SEPTIN9: variants seen among roughly 807,000 people sequenced by gnomAD.
The protein encoded by SEPTIN9 is septin-9.
A neutral mutation model predicts 56.6 loss-of-function variants in SEPTIN9; 13 were observed. The observed-to-expected ratio is 0.23, with a 90% CI of 0.15 to 0.37. The LOEUF (loss-of-function observed/expected upper bound fraction) is 0.37, where lower values mean the gene tolerates loss of function less well. Ranked by LOEUF, SEPTIN9 falls within the 10% of genes least tolerant of loss-of-function variation. The pLI is 1.00. For missense variants in SEPTIN9, 650 were observed against 823.1 expected (o/e 0.79, Z 2.57); for synonymous variants, 332 against 334.1 (o/e 0.99, Z 0.07).
At chr17:77,332,340 G>C (rs1195507963) in intron 2 of SEPTIN9, among the ~76,000 whole-genome samples, 1 of 151,384 alleles carries the variant, frequency 6.6e-6, no homozygotes, top group Non-Finnish European at 1.5e-5. Flanking sequence ...AAACACCCAT[G>C]CACCTACCAC....
intron 3 of SEPTIN9, among the ~76,000 whole-genome samples, chr17:77,403,167 GC>G (rs1219083204): frequency 1.3e-5 from 2 of 152,168 alleles, no homozygotes. Flanking sequence ...GCCTGGATAT[GC>G]CCAGCAGAGG....
At chr17:77,360,967 A>G (rs1013855259) in intron 2 of SEPTIN9, among the ~76,000 whole-genome samples, 14 of 113,212 alleles carry the variant, frequency 1.2e-4, no homozygotes, top group African/African-American at 5.0e-4. Context: ...GTTGCCCCCC[A>G]GGCTGGAGTG....
chr17:77,289,763 CTG>C (rs1823874833), intron 1 of SEPTIN9, among the ~76,000 whole-genome samples: 1 of 152,098 alleles, frequency 6.6e-6, no homozygotes, highest in Non-Finnish European at 1.5e-5. Flanking sequence ...AAACTGTACA[CTG>C]TATCTTTTCT....
In SEPTIN9 at chr17:77,313,987, C is replaced by T. The variant is rs2032603805; in HGVS notation, c.76+6790C>T. 6.6e-6 allele frequency among the ~76,000 whole-genome samples: 1 copy of T among 152,042 alleles called. No individual in the cohort carries two copies. Among genetic ancestry groups the T allele is most frequent in the African/African-American group, 2.4e-5 (1 of 41,418 alleles). On this transcript the variant is annotated intron_variant, in intron 2 of 11. Transcript: ENST00000427177. This position sits in a 1 kb window ranked among gnomAD's most constrained non-coding sequence, Gnocchi z 4.5. Reference sequence around the variant, plus strand: ...AGCCGAGGTGGGAGGATCACTTGAGCTCAGGTGCTCCAGACCAGCCTGGGC... The same window carrying T: ...AGCCGAGGTGGGAGGATCACTTGAGTTCAGGTGCTCCAGACCAGCCTGGGC...
rs2033015828 is a variant in SEPTIN9 at position 77,323,443 on chromosome 17, G to T, written c.76+16246G>T. On this transcript the variant is annotated intron_variant, in intron 2 of 11. Transcript: ENST00000427177. This position sits in a 1 kb window ranked among gnomAD's most constrained non-coding sequence, Gnocchi z 6.8. ...CCACTGGGGAGCTCTGTTGGGCTGG[G>T]AGGCTAGGAACAGGCCACGAGGGAG... Among the ~76,000 whole-genome samples, 2 of 152,204 alleles carry T rather than the reference G, an allele frequency of 1.3e-5. No homozygotes were observed. Among genetic ancestry groups the T allele is most frequent in the Non-Finnish European group, 2.9e-5 (2 of 68,032 alleles).
chr17:77,397,216 C>A (rs544240948), intron 2 of SEPTIN9, among the ~76,000 whole-genome samples: 11 of 152,324 alleles, frequency 7.2e-5, no homozygotes, highest in Admixed American at 4.6e-4. Context: ...ACACTCCCTC[C>A]GACAGCTCGA....
At position 77,327,222 on chromosome 17, in the gene SEPTIN9, C is replaced by T. The variant is rs945729285; in HGVS notation, c.76+20025C>T. Among the ~76,000 whole-genome samples, 5 of 152,176 alleles carry T rather than the reference C, an allele frequency of 3.3e-5. No homozygotes were observed. The highest frequency in any genetic ancestry group is 7.2e-5 in the African/African-American group (3 of 41,542). ...CCCACCACCCCTCCTGTAGTGGTCT[C>T]GCTGGCTGCTGCCCTCAGGTTAGTT... is the stretch of plus-strand genomic sequence containing the variant. On this transcript the variant is annotated intron_variant, in intron 2 of 11. Transcript: ENST00000427177. The surrounding 1 kb of genome is among the most constrained non-coding windows in gnomAD (Gnocchi z 5.0).
intron 3 of SEPTIN9, among the ~76,000 whole-genome samples, chr17:77,416,082 G>A (rs552002220): frequency 4.1e-4 from 62 of 152,256 alleles, no homozygotes; most frequent in Non-Finnish European, 8.4e-4. Flanking sequence ...AGCCCTGCAC[G>A]TGCACAGCCC....
At chr17:77,386,998 G>A (rs564754853) in intron 2 of SEPTIN9, among the ~76,000 whole-genome samples, 151 of 152,312 alleles carry the variant, frequency 9.9e-4, no homozygotes, top group African/African-American at 3.2e-3. Context: ...TGGGACACAC[G>A]GGTGACCTGA....
At chr17:77,356,721 T>G (rs2034266036) in intron 2 of SEPTIN9, among the ~76,000 whole-genome samples, 1 of 33,064 alleles carries the variant, frequency 3.0e-5, no homozygotes, top group Admixed American at 4.2e-4. Context: ...GTGCCCCAAC[T>G]GCCTTTCTCC....
At position 77,329,234 on chromosome 17, in the gene SEPTIN9, C is replaced by T. The variant is rs752551535; in HGVS notation, c.76+22037C>T. ...CTGCTAGGGAGGAGGCTGCTGCAGG[C>T]CCTGCAGCTGGAGAGGGAGGATCAG... On this transcript the variant is annotated intron_variant, in intron 2 of 11. Coordinates refer to ENST00000427177, the MANE Select transcript of SEPTIN9 (RefSeq NM_001113491.2). The surrounding 1 kb of genome is among the most constrained non-coding windows in gnomAD (Gnocchi z 4.3). Among the ~76,000 whole-genome samples the T allele has an allele frequency of 3.9e-5, 6 of 152,178 alleles. No homozygotes were observed. Among genetic ancestry groups the T allele is most frequent in the Non-Finnish European group, 8.8e-5 (6 of 68,020 alleles).
Position 77,482,199 on chromosome 17 carries a change from C to T in SEPTIN9, c.777C>T (p.Ala259=), listed in dbSNP as rs770799510. The T allele has an allele frequency of 6.2e-6, 10 of 1,610,198 alleles. No homozygotes were observed. The highest frequency in any genetic ancestry group is 2.2e-5 in the East Asian group (1 of 44,756). Residue 259 remains alanine, a synonymous_variant, in exon 4 of 12, where the codon GCC becomes GCT. Coordinates refer to ENST00000427177, the MANE Select transcript of SEPTIN9 (RefSeq NM_001113491.2). ...ACATGGCCGACACCCCCAGAGATGCCGGGCTCAAGCAGGCGCCTGCATCAC... is the reference window on the plus strand; with the variant it reads ...ACATGGCCGACACCCCCAGAGATGCTGGGCTCAAGCAGGCGCCTGCATCAC... The part of the protein sequence containing the change: ...VGDMADTPRD[A]GLKQAPASRN...
chr17:77,312,578 G>A (rs1234592296), intron 2 of SEPTIN9, among the ~76,000 whole-genome samples: 1 of 152,140 alleles, frequency 6.6e-6, no homozygotes, highest in African/African-American at 2.4e-5. Context: ...CATAGCCTCG[G>A]ACCAGAGCCA....
At position 77,449,984 on chromosome 17, in the gene SEPTIN9, G is replaced by C. The variant is rs1402025528; in HGVS notation, c.722-32160G>C. 6.6e-6 allele frequency among the ~76,000 whole-genome samples: 1 copy of C among 152,154 alleles called. No homozygotes were observed. Among genetic ancestry groups the C allele is most frequent in the Non-Finnish European group, 1.5e-5 (1 of 68,038 alleles). ...GACTCAGAACCCAGGTCTCTGATCT[G>C]CCACCAGCCTCCCTCCCATTCAGAT... On this transcript the variant is annotated intron_variant, in intron 3 of 11. Coordinates refer to ENST00000427177, the MANE Select transcript of SEPTIN9 (RefSeq NM_001113491.2). This position sits in a 1 kb window ranked among gnomAD's most constrained non-coding sequence, Gnocchi z 4.6.
chr17:77,440,872 C>G (rs764537459), intron 3 of SEPTIN9, among the ~76,000 whole-genome samples: 2 of 152,246 alleles, frequency 1.3e-5, no homozygotes, highest in African/African-American at 4.8e-5. Context: ...CTGCTGATCT[C>G]CATGCCTGCA....
intron 2 of SEPTIN9, among the ~76,000 whole-genome samples, chr17:77,316,073 T>C (rs2032692268): frequency 6.6e-6 from 1 of 152,196 alleles, no homozygotes; most frequent in Non-Finnish European, 1.5e-5. Flanking sequence ...CACTGTAGGA[T>C]TACTCAGTGC....
chr17:77,350,653 C>T (rs1219062882), intron 2 of SEPTIN9, among the ~76,000 whole-genome samples: 1 of 132,588 alleles, frequency 7.5e-6, no homozygotes, highest in Non-Finnish European at 1.7e-5. Context: ...ACATGCATTA[C>T]ACCCTTCTAC....
chr17:77,389,574 G>T lies in SEPTIN9; in HGVS notation c.77-12485G>T, dbSNP rs2035459637. Among the ~76,000 whole-genome samples, 1 of 152,216 alleles carries T rather than the reference G, an allele frequency of 6.6e-6. No homozygotes were observed. Among genetic ancestry groups the T allele is most frequent in the East Asian group, 1.9e-4 (1 of 5,168 alleles). On this transcript the variant is annotated intron_variant, in intron 2 of 11. Coordinates refer to ENST00000427177, the MANE Select transcript of SEPTIN9 (RefSeq NM_001113491.2). The surrounding 1 kb of genome is among the most constrained non-coding windows in gnomAD (Gnocchi z 4.3). Reference sequence around the variant, plus strand: ...CCTTCAGCGACAGCCATTTATCAGGGAGTCTTTGACCCAAGGAGACCTGAA... The same window carrying T: ...CCTTCAGCGACAGCCATTTATCAGGTAGTCTTTGACCCAAGGAGACCTGAA...
chr17:77,475,530 T>C lies in SEPTIN9; in HGVS notation c.722-6614T>C. 6.2e-7 allele frequency: 1 copy of C among 1,611,786 alleles called. No individual in the cohort carries two copies. Among genetic ancestry groups the C allele is most frequent in the African/African-American group, 1.3e-5 (1 of 74,928 alleles). On this transcript the variant is annotated intron_variant, in intron 3 of 11. Coordinates refer to ENST00000427177, the MANE Select transcript of SEPTIN9 (RefSeq NM_001113491.2). The surrounding 1 kb of genome is among the most constrained non-coding windows in gnomAD (Gnocchi z 4.6). ...CCTGAAGTGCCCCCATGGGCTCAAG[T>C]TTCTGGGAAGGCCTGCAGGTGGCCG... is the stretch of plus-strand genomic sequence containing the variant.
Sources: allele counts gnomAD v4.1 joint callset (sites outside exome capture counted in the v4.1 genomes callset), GRCh38; gene constraint gnomAD v4.1.1; non-coding constraint Gnocchi (gnomAD v3.1); transcripts MANE v1.5; gene names NCBI Gene and HGNC (gene_info 2026-07-23, HGNC 2026-07-21).